Variants in FAT3 observed in about 807,000 individuals in gnomAD.
FAT3 encodes FAT atypical cadherin 3, also known as protocadherin Fat 3.
Under a neutral mutation model 310.2 loss-of-function variants are expected in FAT3, and 95 were observed. The ratio of observed to expected loss-of-function variants is 0.31; its 90% CI spans 0.26 to 0.36. FAT3 has a LOEUF of 0.36. Ranked by LOEUF, FAT3 falls within the 10% of genes least tolerant of loss-of-function variation. The pLI is 1.00. For missense variants in FAT3, 5,408 were observed against 5,715.6 expected (o/e 0.95, Z 1.74); for synonymous variants, 2,314 against 2,192.9 (o/e 1.06, Z -1.54).
chr11:92,666,990 A>T (rs1942975300), intron 3 of FAT3, among the ~76,000 whole-genome samples: 1 of 152,092 alleles, frequency 6.6e-6, no homozygotes, highest in African/African-American at 2.4e-5. Flanking sequence ...GGAGATGGGA[A>T]GTCTAGTCCA....
chr11:92,463,337 C>T (rs1951680836), intron 2 of FAT3, among the ~76,000 whole-genome samples: 1 of 152,140 alleles, frequency 6.6e-6, no homozygotes, highest in African/African-American at 2.4e-5. Context: ...GATAATGTAA[C>T]ATAGTGTTTA....
intron 9 of FAT3, among the ~76,000 whole-genome samples, chr11:92,793,646 T>G (rs1467675727): frequency 6.6e-6 from 1 of 152,180 alleles, no homozygotes; most frequent in African/African-American, 2.4e-5. Context: ...GAGAGATGAA[T>G]GGCTAAGCAA....
intron 10 of FAT3, 43 bp from the exon 11 acceptor site, chr11:92,805,110 T>A: frequency 6.3e-7 from 1 of 1,586,752 alleles, no homozygotes; most frequent in Non-Finnish European, 8.6e-7. Flanking sequence ...TTAAGACATT[T>A]CATTGCACAT....
intron 1 of FAT3, among the ~76,000 whole-genome samples, chr11:92,267,998 C>A (rs1591030571): frequency 6.7e-6 from 1 of 148,232 alleles, no homozygotes; most frequent in East Asian, 2.0e-4. Flanking sequence ...ACATTACCAG[C>A]ATTATAGGCT....
chr11:92,248,314 G>A (rs1029313660), intron 1 of FAT3, among the ~76,000 whole-genome samples: 12 of 152,020 alleles, frequency 7.9e-5, no homozygotes, highest in African/African-American at 2.7e-4. Flanking sequence ...ATCATTTTTA[G>A]TATTTGAATC....
intron 3 of FAT3, among the ~76,000 whole-genome samples, chr11:92,542,485 C>CA (rs577600197): frequency 7.2e-4 from 102 of 141,580 alleles, no homozygotes; most frequent in Admixed American, 1.3e-3. Flanking sequence ...AATTCAACAG[C>CA]AAAAAAAAAA....
At chr11:92,718,356 G>A (rs752812130) in intron 4 of FAT3, among the ~76,000 whole-genome samples, 30 of 152,152 alleles carry the variant, frequency 2.0e-4, no homozygotes, top group Non-Finnish European at 4.0e-4. Flanking sequence ...AGATGAGCTT[G>A]GGGTTATATG....
intron 1 of FAT3, among the ~76,000 whole-genome samples, chr11:92,309,813 C>G (rs565750005): frequency 6.6e-6 from 1 of 152,128 alleles, no homozygotes; most frequent in Non-Finnish European, 1.5e-5. Context: ...CTGTCACTTA[C>G]TCTGACTAAA....
chr11:92,342,157 C>T (rs1948281224), intron 1 of FAT3, among the ~76,000 whole-genome samples: 1 of 152,156 alleles, frequency 6.6e-6, no homozygotes. Flanking sequence ...AATTATTATT[C>T]TCTCATAAGT....
rs1348286672 is a variant in FAT3, at chr11:92,769,032, T to C, written c.4195+3943T>C. ...GTCGCCCCATTTCTGCATTTCCAAA[T>C]CTAGCCAATTCTTGCTTAACTGCAT... On this transcript the variant is annotated intron_variant, in intron 6 of 27. Transcript: ENST00000525166. Among the ~76,000 whole-genome samples, 3 of 152,198 alleles carry C rather than the reference T, an allele frequency of 2.0e-5. No individual in the cohort carries two copies. In the East Asian group the frequency reaches 5.8e-4, roughly 29 times the overall value.
chr11:92,283,875 G>A lies in FAT3; in HGVS notation c.-18+58701G>A, dbSNP rs1356857403. Among the ~76,000 whole-genome samples, 12 of 152,110 alleles carry A rather than the reference G, an allele frequency of 7.9e-5. No individual in the cohort carries two copies. In the East Asian group the frequency reaches 2.3e-3, roughly 29 times the overall value. On this transcript the variant is annotated intron_variant, in intron 1 of 27. Transcript: ENST00000525166. ...TTCAAACACCTTAAATTTTAGAAGG[G>A]GTGATAAGTCCCTCTTCCTGACCCA...
At chr11:92,817,038 G>A (rs890835261) in intron 13 of FAT3, among the ~76,000 whole-genome samples, 5 of 151,986 alleles carry the variant, frequency 3.3e-5, no homozygotes, top group East Asian at 3.9e-4. Flanking sequence ...AGGGAAAATT[G>A]AAACACAAAG....
intron 2 of FAT3, chr11:92,366,578 C>T: frequency 1.9e-6 from 1 of 518,852 alleles, no homozygotes; most frequent in Non-Finnish European, 3.9e-6. Context: ...GCCTGATGGG[C>T]TTCAAGTCCT....
At chr11:92,239,036 C>G (rs1409503106) in intron 1 of FAT3, among the ~76,000 whole-genome samples, 11 of 152,180 alleles carry the variant, frequency 7.2e-5, no homozygotes. Flanking sequence ...ATTTATCCCC[C>G]AACAACTCTA....
chr11:92,433,549 T>A (rs922216319), intron 2 of FAT3, among the ~76,000 whole-genome samples: 1 of 152,104 alleles, frequency 6.6e-6, no homozygotes, highest in Admixed American at 6.6e-5. Context: ...TTGCTCACCC[T>A]CCGTGGGCTG....
chr11:92,795,584 C>CA (rs1414331856), intron 9 of FAT3, among the ~76,000 whole-genome samples: 3 of 151,888 alleles, frequency 2.0e-5, no homozygotes, highest in Non-Finnish European at 4.4e-5. Flanking sequence ...GTGTCACAAG[C>CA]AGATCAGCGG....
At chr11:92,680,707 G>A (rs1352071679) in intron 3 of FAT3, among the ~76,000 whole-genome samples, 1 of 152,190 alleles carries the variant, frequency 6.6e-6, no homozygotes, top group Non-Finnish European at 1.5e-5. Context: ...CATTGCAAGT[G>A]CTTGCAACAC....
chr11:92,729,293 A>G (rs1277452406), intron 4 of FAT3, among the ~76,000 whole-genome samples: 1 of 152,154 alleles, frequency 6.6e-6, no homozygotes, highest in Non-Finnish European at 1.5e-5. Context: ...GTGTGGCTAC[A>G]TGCAGGAAAA....
rs1239684393 is a variant in FAT3, at chr11:92,806,513, G to A, written c.9245G>A (p.Ser3082Asn). ...AGTGAATTTTTTCTAGATCCAGAAA[G>A]TGGTAAGCTAAAATTTATTATTGAG... ...GNSEFFLDPE[S>N]GELKTLALLD... The change falls in exon 12 of 28, where the codon AGT becomes AAT. Residue 3082 changes from serine to asparagine, a missense_variant and splice_region_variant. Physicochemically the swap from Ser to Asn is conservative, Grantham distance 46. Transcript: ENST00000525166. 1.3e-6 allele frequency: 2 copies of A among 1,540,992 alleles called. No homozygotes were observed. Among genetic ancestry groups the A allele is most frequent in the Non-Finnish European group, 1.8e-6 (2 of 1,141,570 alleles).
Sources: allele counts gnomAD v4.1 joint callset (sites outside exome capture counted in the v4.1 genomes callset), GRCh38; gene constraint gnomAD v4.1.1; transcripts MANE v1.5; gene names NCBI Gene and HGNC (gene_info 2026-07-23, HGNC 2026-07-21).